CYP4Z1: variants seen among roughly 807,000 people sequenced by gnomAD.
CYP4Z1 encodes cytochrome P450 4Z1.
CYP4Z1 carries 41 observed loss-of-function variants against 54.2 expected under a neutral mutation model. The observed-to-expected ratio is 0.76, with a 90% confidence interval of 0.59 to 0.98. The LOEUF is 0.98. CYP4Z1 is among the 50% of genes least tolerant of loss of function. CYP4Z1 has a pLI of 0.00. For missense variants in CYP4Z1, 513 were observed against 599.0 expected (o/e 0.86, Z 1.50); for synonymous variants, 163 against 206.2 (o/e 0.79, Z 1.79).
chr1:47,105,970 A>T (rs1202862216), intron 8 of CYP4Z1, among the ~76,000 whole-genome samples, 158 bp from the exon 9 acceptor site: 2 of 152,170 alleles, frequency 1.3e-5, no homozygotes, highest in Non-Finnish European at 2.9e-5. Context: ...AAGTGTTAAC[A>T]TTTAGCTTTT....
intron 6 of CYP4Z1, among the ~76,000 whole-genome samples, chr1:47,089,741 T>G (rs1644625108): frequency 6.6e-6 from 1 of 152,208 alleles, no homozygotes; most frequent in Non-Finnish European, 1.5e-5. Flanking sequence ...AACAAGCTAT[T>G]TTTTTGAGAA....
rs1644545577 is a variant in CYP4Z1 at position 47,079,114 on chromosome 1, C to T, written c.320-1509C>T. On this transcript the variant is annotated intron_variant, in intron 2 of 11. Transcript: ENST00000334194. Reference sequence around the variant, plus strand: ...GGAAAGCCCTTGTCCTTCAGAAAACCCACACAGAAGTCAAAACAAACAAAA... The same window carrying T: ...GGAAAGCCCTTGTCCTTCAGAAAACTCACACAGAAGTCAAAACAAACAAAA... 2.6e-5 allele frequency among the ~76,000 whole-genome samples: 4 copies of T among 152,024 alleles called. No individual in the cohort carries two copies. In the South Asian group the frequency reaches 8.3e-4, roughly 32 times the overall value.
chr1:47,105,928 AG>A (rs1557633044), intron 8 of CYP4Z1, among the ~76,000 whole-genome samples, 199 bp from the exon 9 acceptor site: 2 of 151,100 alleles, frequency 1.3e-5, no homozygotes, highest in South Asian at 2.1e-4. Flanking sequence ...CGGGGGGGGG[AG>A]AATCACTTAC....
chr1:47,063,811 C>T (rs1274946404), upstream of CYP4Z1, among the ~76,000 whole-genome samples: 1 of 151,978 alleles, frequency 6.6e-6, no homozygotes, highest in Non-Finnish European at 1.5e-5. Flanking sequence ...ATTTGGAAAA[C>T]ATATTTGAGG....
chr1:47,099,369 G>T, intron 8 of CYP4Z1, 85 bp downstream of exon 8: 1 of 1,306,510 alleles, frequency 7.7e-7, no homozygotes, highest in East Asian at 2.5e-5. Flanking sequence ...AAGTTATTGT[G>T]CATTGAGATA....
At chr1:47,076,792 C>T (rs1227814165) in intron 2 of CYP4Z1, among the ~76,000 whole-genome samples, 2 of 140,870 alleles carry the variant, frequency 1.4e-5, no homozygotes, top group African/African-American at 2.7e-5. Flanking sequence ...TTGCAGTGAG[C>T]CGAGATCGCG....
chr1:47,068,810 T>C, intron 2 of CYP4Z1, 47 bp downstream of exon 2: 1 of 1,588,846 alleles, frequency 6.3e-7, no homozygotes, highest in Non-Finnish European at 8.6e-7. Context: ...ACAAAGAGGG[T>C]CTCAGGGTGT....
At chr1:47,065,085 G>A (rs908556311), upstream of CYP4Z1, among the ~76,000 whole-genome samples, 1 of 152,066 alleles carries the variant, frequency 6.6e-6, no homozygotes, top group African/African-American at 2.4e-5. Context: ...ATAATAGTGG[G>A]GGACTTTAAT....
chr1:47,094,669 A>T lies in CYP4Z1; in HGVS notation c.876A>T (p.Lys292Asn). ...WDFLDILLSAKSENTKDFSEA... is the reference protein window; with the variant it reads ...WDFLDILLSANSENTKDFSEA... Reference sequence around the variant, plus strand: ...TTCTGGACATACTTTTGAGTGCCAAAGTAAGTCTTCTAAACTTCTGAACAC... The same window carrying T: ...TTCTGGACATACTTTTGAGTGCCAATGTAAGTCTTCTAAACTTCTGAACAC... Residue 292 changes from lysine (K) to asparagine (N), a missense_variant and splice_region_variant, in exon 7 of 12, where the codon AAA becomes AAT. Lys to Asn is a moderately conservative substitution (Grantham distance 94). Coordinates refer to ENST00000334194, the MANE Select transcript of CYP4Z1 (RefSeq NM_178134.3). 1 of 1,608,642 alleles carries T rather than the reference A, an allele frequency of 6.2e-7. No homozygotes were observed.
At chr1:47,063,026 A>G (rs1644432059), upstream of CYP4Z1, among the ~76,000 whole-genome samples, 1 of 152,190 alleles carries the variant, frequency 6.6e-6, no homozygotes, top group African/African-American at 2.4e-5. Context: ...ACTGGTATCC[A>G]TGGCTAAGAG....
At chr1:47,087,661 C>T (rs1180604985) in intron 6 of CYP4Z1, among the ~76,000 whole-genome samples, 1 of 152,202 alleles carries the variant, frequency 6.6e-6, no homozygotes, top group Non-Finnish European at 1.5e-5. Flanking sequence ...GTGACATCCT[C>T]TTTCCCTAAT....
rs373501785 is a variant in CYP4Z1, at chr1:47,107,884, G to C, written c.1201+1623G>C. Among the ~76,000 whole-genome samples the C allele has an allele frequency of 3.9e-4, 59 of 152,248 alleles. No individual in the cohort carries two copies. The East Asian group carries it at 8.1e-3, about 21-fold the overall frequency. On this transcript the variant is annotated intron_variant, in intron 9 of 11. Transcript: ENST00000334194. ...CTTGTGGCTTTTGCAGCTGCTGCGG[G>C]TAACTTTCTGGGCTTCAGACAATGC...
chr1:47,116,766 G>A (rs568678803), intron 11 of CYP4Z1, 34 bp downstream of exon 11: 2 of 1,487,016 alleles, frequency 1.3e-6, no homozygotes, highest in Non-Finnish European at 1.9e-6. Context: ...TGATGGAAAT[G>A]TGTAATAGTG....
rs1259315140 is a variant in CYP4Z1 at position 47,084,669 on chromosome 1, A to T, written c.542A>T (p.Gln181Leu). 1.2e-6 allele frequency: 2 copies of T among 1,608,658 alleles called. No individual in the cohort carries two copies. The highest frequency in any genetic ancestry group is 4.5e-5 in the East Asian group (2 of 44,258). Residue 181 changes from glutamine to leucine, a missense_variant, in exon 5 of 12, where the codon CAA (glutamine) becomes CTA (leucine). By Grantham distance (113) the Gln-to-Leu change is moderately radical. Coordinates refer to ENST00000334194, the MANE Select transcript of CYP4Z1 (RefSeq NM_178134.3). ...IAQNSRLELF[Q>L]HVSLMTLDSI... The stretch of plus-strand genomic sequence containing the variant: ...CAAAACTCACGTCTGGAGCTCTTTC[A>T]ACATGTCTCCCTGATGACCCTGGAC...
At chr1:47,117,705 G>T (rs772819573) in intron 11 of CYP4Z1, 61 bp from the exon 12 acceptor site, 27 of 1,518,792 alleles carry the variant, frequency 1.8e-5, no homozygotes, top group Non-Finnish European at 2.3e-5. Context: ...AAAGATTGGC[G>T]TATGTTGTTA....
chr1:47,105,520 C>A (rs1381840329), intron 8 of CYP4Z1, among the ~76,000 whole-genome samples: 1 of 152,160 alleles, frequency 6.6e-6, no homozygotes, highest in African/African-American at 2.4e-5. Flanking sequence ...ATTCTTTTCC[C>A]AAATTAAAGA....
the CYP4Z1 span, among the ~76,000 whole-genome samples, chr1:47,055,911 C>A: frequency 6.6e-6 from 1 of 152,108 alleles, no homozygotes; most frequent in African/African-American, 2.4e-5. Flanking sequence ...TTTTATGTCT[C>A]TATTTCCTTC....
At chr1:47,056,449 A>T in the CYP4Z1 span, among the ~76,000 whole-genome samples, 1 of 152,044 alleles carries the variant, frequency 6.6e-6, no homozygotes, top group Admixed American at 6.5e-5. Context: ...CTTGGTGCAG[A>T]GCTGAGTTCA....
intron 7 of CYP4Z1, among the ~76,000 whole-genome samples, chr1:47,098,185 T>C (rs745305983): frequency 1.4e-4 from 22 of 152,242 alleles, no homozygotes; most frequent in African/African-American, 2.2e-4. Context: ...GGGAACAGCA[T>C]TGAATCTATA....
Sources: allele counts gnomAD v4.1 joint callset (sites outside exome capture counted in the v4.1 genomes callset), GRCh38; gene constraint gnomAD v4.1.1; transcripts MANE v1.5; gene names NCBI Gene and HGNC (gene_info 2026-07-23, HGNC 2026-07-21).